The following RIC1 variants were observed in gnomAD, a reference collection of about 807,000 sequenced individuals.
The protein encoded by RIC1 is RIC1 partner of RAB6A GEF complex, also known as guanine nucleotide exchange factor subunit RIC1.
In RIC1, 88 loss-of-function variants were observed where a neutral mutation model predicts 169.0. The observed-to-expected ratio is 0.52, with a 90% confidence interval of 0.44 to 0.62. The LOEUF (loss-of-function observed/expected upper bound fraction) is 0.62, where lower values mean the gene tolerates loss of function less well. Among genes scored for constraint, RIC1 ranks in the 20% least tolerant of loss-of-function variants. The pLI is 0.00. For synonymous variants in RIC1, 790 were observed against 601.5 expected (o/e 1.31, Z -4.59); for missense variants, 1,877 against 1,725.5 (o/e 1.09, Z -1.56).
rs568349792 is a variant in RIC1 at position 5,638,122 on chromosome 9, C to A, written c.144+8669C>A. The stretch of plus-strand genomic sequence containing the variant: ...AAATGATCATATAGTTTTGGTCCTT[C>A]ATTCTGTTGATATGATGTATCACAT... On this transcript the variant is annotated intron_variant, in intron 1 of 25. Coordinates refer to ENST00000414202, the MANE Select transcript of RIC1 (RefSeq NM_020829.4). 3.9e-5 allele frequency among the ~76,000 whole-genome samples: 6 copies of A among 152,292 alleles called. 1 individual carries two copies. In the South Asian group the frequency reaches 1.0e-3, roughly 26 times the overall value.
At chr9:5,670,261 G>A (rs547699678) in intron 2 of RIC1, among the ~76,000 whole-genome samples, 4 of 152,184 alleles carry the variant, frequency 2.6e-5, no homozygotes, top group African/African-American at 7.2e-5. Flanking sequence ...ACTGCCAAGA[G>A]CTTTGCTGAT....
intron 2 of RIC1, among the ~76,000 whole-genome samples, chr9:5,685,307 C>T (rs1821149101): frequency 6.6e-6 from 1 of 151,056 alleles, no homozygotes; most frequent in African/African-American, 2.4e-5. Flanking sequence ...AAAAAAGAGC[C>T]CGCATCGCCA....
chr9:5,666,251 T>C (rs928050365), intron 2 of RIC1, among the ~76,000 whole-genome samples: 2 of 152,232 alleles, frequency 1.3e-5, no homozygotes, highest in African/African-American at 2.4e-5. Context: ...TTCTCTTCCA[T>C]GCTGTATGGA....
intron 3 of RIC1, among the ~76,000 whole-genome samples, chr9:5,692,695 C>T (rs937529851): frequency 6.6e-6 from 1 of 151,872 alleles, no homozygotes; most frequent in African/African-American, 2.4e-5. Flanking sequence ...TAACTTCTTT[C>T]ATTGTTAAGA....
At chr9:5,667,423 C>T (rs1053252314) in intron 2 of RIC1, among the ~76,000 whole-genome samples, 3 of 151,254 alleles carry the variant, frequency 2.0e-5, no homozygotes, top group African/African-American at 2.4e-5. Context: ...CTGCTAGCTT[C>T]GGGATTACTT....
intron 2 of RIC1, among the ~76,000 whole-genome samples, chr9:5,658,664 C>A (rs997630828): frequency 6.6e-6 from 1 of 151,998 alleles, no homozygotes; most frequent in Non-Finnish European, 1.5e-5. Flanking sequence ...CAGCAAAAGA[C>A]TTAGTTGGAC....
intron 7 of RIC1, among the ~76,000 whole-genome samples, chr9:5,736,828 A>C (rs1824740050): frequency 6.6e-6 from 1 of 152,186 alleles, no homozygotes; most frequent in Admixed American, 6.5e-5. Flanking sequence ...AAAAGAAAAC[A>C]AAAACAGAGT....
intron 12 of RIC1, among the ~76,000 whole-genome samples, chr9:5,749,647 A>G (rs1825601646): frequency 6.6e-6 from 1 of 151,000 alleles, no homozygotes; most frequent in Non-Finnish European, 1.5e-5. Flanking sequence ...CTGCTACCTT[A>G]TACTCCTTAG....
At position 5,774,344 on chromosome 9, in the gene RIC1, T is replaced by A; in HGVS notation, c.*98T>A. The A allele has an allele frequency of 9.7e-7, 1 of 1,027,392 alleles. No individual in the cohort carries two copies. Among genetic ancestry groups the A allele is most frequent in the Non-Finnish European group, 1.4e-6 (1 of 712,176 alleles). The allele number at this position is 1,027,392 out of a possible 1,614,324, so 63.6% of individuals were successfully genotyped here. ...GGATGATTTAACAGGAGAACTCAGT[T>A]CAGAGACTCTTCGGTAAGTATTAGT... On this transcript the variant is annotated 3_prime_UTR_variant, in exon 26 of 26. Coordinates refer to ENST00000414202, the MANE Select transcript of RIC1 (RefSeq NM_020829.4).
chr9:5,674,919 A>G lies in RIC1; in HGVS notation c.253-15040A>G, dbSNP rs560822573. On this transcript the variant is annotated intron_variant, in intron 2 of 25. Transcript: ENST00000414202. ...CTAAATTGATTGAGACCTGTCTCAG[A>G]TACTTCTTGGTTTACAACTATGTTC... is the stretch of plus-strand genomic sequence containing the variant. Among the ~76,000 whole-genome samples the G allele has an allele frequency of 5.3e-5, 8 of 152,354 alleles. No individual in the cohort carries two copies. In the South Asian group the frequency reaches 1.4e-3, roughly 28 times the overall value.
At chr9:5,731,001 C>A (rs1484812303) in intron 6 of RIC1, among the ~76,000 whole-genome samples, 1 of 152,158 alleles carries the variant, frequency 6.6e-6, no homozygotes, top group East Asian at 1.9e-4. Flanking sequence ...TGTTTTATTT[C>A]TTTGAGGACT....
rs373285488 is a variant in RIC1, at chr9:5,772,684, A to G, written c.3737A>G (p.Glu1246Gly). ...CTCAGTTTAACTCAGTCAGAGCTGGAGCACATTTCCATGGAGTTGGCCAGT... is the reference window on the plus strand; with the variant it reads ...CTCAGTTTAACTCAGTCAGAGCTGGGGCACATTTCCATGGAGTTGGCCAGT... The part of the protein sequence containing the change: ...STLSLTQSEL[E>G]HISMELASKG... The change falls in exon 24 of 26, where the codon GAG becomes GGG. Residue 1246 changes from glutamate (E) to glycine (G), a missense_variant. Physicochemically the swap from Glu to Gly is moderately conservative, Grantham distance 98 (BLOSUM62 -2). Coordinates refer to ENST00000414202, the MANE Select transcript of RIC1 (RefSeq NM_020829.4). 9.9e-6 allele frequency: 16 copies of G among 1,613,654 alleles called. No homozygotes were observed. Among genetic ancestry groups the G allele is most frequent in the Non-Finnish European group, 1.2e-5 (14 of 1,179,890 alleles).
intron 3 of RIC1, among the ~76,000 whole-genome samples, chr9:5,693,684 C>G (rs775917655): frequency 1.4e-4 from 21 of 151,986 alleles, no homozygotes; most frequent in Non-Finnish European, 2.8e-4. Context: ...TTGTGTTTAG[C>G]TTTAAAATGT....
intron 1 of RIC1, among the ~76,000 whole-genome samples, chr9:5,651,718 C>T (rs1376975382): frequency 2.0e-5 from 3 of 151,810 alleles, no homozygotes; most frequent in Non-Finnish European, 1.5e-5. Flanking sequence ...TGCATGCCAC[C>T]ATGCCCAGCT....
chr9:5,733,684 C>T (rs1824515064), intron 7 of RIC1, among the ~76,000 whole-genome samples: 1 of 152,048 alleles, frequency 6.6e-6, no homozygotes, highest in African/African-American at 2.4e-5. Flanking sequence ...CCTCATTGAG[C>T]AGTTAAATGT....
chr9:5,630,333 T>G (rs1186099119), intron 1 of RIC1, among the ~76,000 whole-genome samples: 1 of 152,108 alleles, frequency 6.6e-6, no homozygotes, highest in East Asian at 1.9e-4. Flanking sequence ...AAAAATGCTT[T>G]TTTTCCTCCC....
At position 5,738,483 on chromosome 9, in the gene RIC1, C is replaced by T. The variant is rs774464167; in HGVS notation, c.846C>T (p.Ser282=). 5 of 1,605,590 alleles carry T rather than the reference C, an allele frequency of 3.1e-6. No individual in the cohort carries two copies. The African/African-American group carries it at 6.8e-5, about 22-fold the overall frequency. The part of the protein sequence containing the change: ...GSVQVYTIDN[S]TGAMLLSHKL... ...TGCAGGTCTATACAATAGATAACAG[C>T]ACTGGAGCCATGCTGCTATCTCATA... Residue 282 remains serine, a synonymous_variant, in exon 8 of 26, where the codon AGC becomes AGT. Transcript: ENST00000414202.
At chr9:5,709,335 G>A (rs550296737) in intron 3 of RIC1, among the ~76,000 whole-genome samples, 4 of 152,234 alleles carry the variant, frequency 2.6e-5, no homozygotes, top group Admixed American at 6.5e-5. Context: ...ATTTCTACGT[G>A]CAGACAGAGG....
intron 6 of RIC1, 55 bp from the exon 7 acceptor site, chr9:5,732,333 T>C (rs956166972): frequency 4.7e-5 from 61 of 1,306,194 alleles, no homozygotes; most frequent in Admixed American, 1.7e-4. Flanking sequence ...TTATATTGAC[T>C]ACGGTAAATT....
Sources: allele counts gnomAD v4.1 joint callset (sites outside exome capture counted in the v4.1 genomes callset), GRCh38; gene constraint gnomAD v4.1.1; transcripts MANE v1.5; gene names NCBI Gene and HGNC (gene_info 2026-07-23, HGNC 2026-07-21).